The following TTC39A variants were observed in gnomAD, a reference collection of about 807,000 sequenced individuals.
TTC39A encodes the protein tetratricopeptide repeat domain 39A.
TTC39A carries 46 observed loss-of-function variants against 82.3 expected under a neutral mutation model. The observed-to-expected ratio is 0.56, with a 90% confidence interval of 0.44 to 0.71. The LOEUF (loss-of-function observed/expected upper bound fraction) is 0.71, where lower values mean the gene tolerates loss of function less well. Among genes scored for constraint, TTC39A ranks in the 30% least tolerant of loss-of-function variants. The pLI is 0.00. For missense variants in TTC39A, 543 were observed against 712.9 expected, an observed-to-expected ratio of 0.76 and a Z score of 2.71; for synonymous variants, 254 against 275.2, an observed-to-expected ratio of 0.92 and a Z score of 0.76.
chr1:51,288,208 C>G lies in TTC39A; in HGVS notation c.1683G>C (p.Lys561Asn). 1 of 1,614,044 alleles carries G rather than the reference C, an allele frequency of 6.2e-7. No individual in the cohort carries two copies. Among genetic ancestry groups the G allele is most frequent in the Non-Finnish European group, 8.5e-7 (1 of 1,179,902 alleles). Residue 561 changes from lysine (K) to asparagine (N), a missense_variant, in exon 18 of 18, where the codon AAG becomes AAC. By Grantham distance (94) the Lys-to-Asn change is moderately conservative. Transcript: ENST00000680483. This position sits in a 1 kb window ranked among gnomAD's most constrained non-coding sequence, Gnocchi z 4.8. ...FRIQAATLQAKSSLENSSRSM... is the reference protein window; with the variant it reads ...FRIQAATLQANSSLENSSRSM... ...ATCTGCTGCTGTTCTCTAGGGAAGA[C>G]TTGGCTTGGAGTGTGGCTGCCTGGA...
intron 2 of TTC39A, among the ~76,000 whole-genome samples, chr1:51,315,176 C>A (rs763162287): frequency 6.6e-6 from 1 of 152,220 alleles, no homozygotes; most frequent in Non-Finnish European, 1.5e-5. Flanking sequence ...CAGCCCCACC[C>A]GGGCAGCTGG....
At chr1:51,319,145 A>G (rs1645400234) in intron 2 of TTC39A, among the ~76,000 whole-genome samples, 1 of 152,210 alleles carries the variant, frequency 6.6e-6, no homozygotes, top group Non-Finnish European at 1.5e-5. Context: ...TATAGATATA[A>G]AGAAGTTGGT....
At position 51,294,636 on chromosome 1, in the gene TTC39A, G is replaced by A; in HGVS notation, c.1146-125C>T. The stretch of plus-strand genomic sequence containing the variant: ...CAGTTTCCCCATCTGCACAATGACA[G>A]TGTTAGACTCTAAAGAGCCTTCTAG... On this transcript the variant is annotated intron_variant, in intron 13 of 17. Coordinates refer to ENST00000680483, the MANE Select transcript of TTC39A (RefSeq NM_001297663.2). The surrounding 1 kb of genome is among the most constrained non-coding windows in gnomAD (Gnocchi z 4.3). 1.4e-6 allele frequency: 2 copies of A among 1,402,920 alleles called. No individual in the cohort carries two copies. Among genetic ancestry groups the A allele is most frequent in the Non-Finnish European group, 1.9e-6 (2 of 1,034,988 alleles). 86.9% of individuals were successfully genotyped at this position (1,402,920 alleles called of 1,614,324 possible). A position where few individuals can be genotyped will look rare whatever the true frequency, so the allele number is the denominator to read the frequency against.
At chr1:51,301,519 GCA>G in intron 12 of TTC39A, 51 bp downstream of exon 12, 2 of 1,529,928 alleles carry the variant, frequency 1.3e-6, no homozygotes, top group East Asian at 2.4e-5. Context: ...TGGTCTGGAG[GCA>G]CACAGTCAGC....
intron 1 of TTC39A, chr1:51,322,180 C>CA: frequency 6.5e-7 from 1 of 1,527,616 alleles, no homozygotes; most frequent in Non-Finnish European, 8.8e-7. Context: ...GCTGCCCCCC[C>CA]AGGGGGTGCA....
intron 12 of TTC39A, among the ~76,000 whole-genome samples, 158 bp from the exon 13 acceptor site, chr1:51,296,328 G>T (rs905090344): frequency 6.6e-6 from 1 of 152,248 alleles, no homozygotes; most frequent in Non-Finnish European, 1.5e-5. Flanking sequence ...GCAACTTGAA[G>T]ACCTGAATCC....
In TTC39A at chr1:51,290,587, C is replaced by T. The variant is rs1241430457; in HGVS notation, c.1305G>A (p.Gly435=). ...MYIWNGYAVI[G]KQPKLTDGIL... is the part of the protein sequence containing the mutation. Reference sequence around the variant, plus strand: ...TCCCATCCGTGAGTTTCGGCTGCTTCCCAATCACGGCGTAGCCGTTCCAGA... The same window carrying T: ...TCCCATCCGTGAGTTTCGGCTGCTTTCCAATCACGGCGTAGCCGTTCCAGA... The change falls in exon 15 of 18, where the codon GGG becomes GGA. Residue 435 remains glycine (G), a synonymous_variant. Coordinates refer to ENST00000680483, the MANE Select transcript of TTC39A (RefSeq NM_001297663.2). 3.1e-6 allele frequency: 5 copies of T among 1,613,834 alleles called. No individual in the cohort carries two copies. The African/African-American group carries it at 6.7e-5, about 22-fold the overall frequency.
intron 1 of TTC39A, among the ~76,000 whole-genome samples, chr1:51,323,576 T>G (rs1425493696): frequency 1.3e-5 from 2 of 152,238 alleles, no homozygotes; most frequent in South Asian, 2.1e-4. Flanking sequence ...CTTAACTAAC[T>G]TCTATACTAT....
At chr1:51,303,884 T>A in intron 8 of TTC39A, among the ~76,000 whole-genome samples, 1 of 152,214 alleles carries the variant, frequency 6.6e-6, no homozygotes, top group East Asian at 1.9e-4. Context: ...TCATGACCCA[T>A]GCGCTTTCTT....
chr1:51,309,429 C>A (rs745817846), intron 5 of TTC39A, 104 bp from the exon 6 acceptor site: 2 of 1,580,752 alleles, frequency 1.3e-6, no homozygotes, highest in Non-Finnish European at 8.6e-7. Flanking sequence ...GTGTGAGGAA[C>A]CCTGGGGGGA....
chr1:51,300,662 C>A (rs181352764), intron 12 of TTC39A: 70 of 152,366 alleles, frequency 4.6e-4, no homozygotes, highest in African/African-American at 1.3e-3. Flanking sequence ...TACAAGCTAA[C>A]ACTTATTTCA....
intron 5 of TTC39A, among the ~76,000 whole-genome samples, chr1:51,310,615 T>G (rs986008189): frequency 4.6e-5 from 7 of 152,158 alleles, no homozygotes; most frequent in African/African-American, 1.7e-4. Context: ...ATGTTCTCAT[T>G]ATAACCCAGG....
intron 1 of TTC39A, chr1:51,322,384 C>T: frequency 1.0e-6 from 1 of 988,258 alleles, no homozygotes; most frequent in Non-Finnish European, 1.4e-6. Flanking sequence ...TACCTGAGCC[C>T]TTTCCAGTCC....
At position 51,288,707 on chromosome 1, in the gene TTC39A, C is replaced by T. The variant is rs1039017520; in HGVS notation, c.1610+132G>A. 2.6e-6 allele frequency: 2 copies of T among 778,736 alleles called. No homozygotes were observed. Among genetic ancestry groups the T allele is most frequent in the African/African-American group, 3.5e-5 (2 of 57,212 alleles). The allele number at this position is 778,736 out of a possible 1,614,324, so 48.2% of individuals were successfully genotyped here. A position where few individuals can be genotyped will look rare whatever the true frequency, so the allele number is the denominator to read the frequency against. On this transcript the variant is annotated intron_variant, in intron 17 of 17. Transcript: ENST00000680483. The surrounding 1 kb of genome is among the most constrained non-coding windows in gnomAD (Gnocchi z 4.8). ...GAGCTGGATTCCGAGGGACACAGGT[C>T]CACCCTCTAGACTGCCAGACTGGCC... is the stretch of plus-strand genomic sequence containing the variant.
In TTC39A at chr1:51,312,139, G is replaced by C. The variant is rs371247813; in HGVS notation, c.335C>G (p.Thr112Arg). 1 of 1,611,682 alleles carries C rather than the reference G, an allele frequency of 6.2e-7. No homozygotes were observed. Among genetic ancestry groups the C allele is most frequent in the South Asian group, 1.1e-5 (1 of 90,324 alleles). The change falls in exon 4 of 18, where the codon ACG becomes AGG. Residue 112 changes from threonine (T) to arginine (R), a missense_variant. Thr to Arg is a moderately conservative substitution (Grantham distance 71). Coordinates refer to ENST00000680483, the MANE Select transcript of TTC39A (RefSeq NM_001297663.2). Reference protein sequence around the residue: ...DSFSSLVNRPTLGQFTEEEIH... With the variant: ...DSFSSLVNRPRLGQFTEEEIH... Reference sequence around the variant, plus strand: ...CACACCTTCAGTGAATTGGCCCAGCGTGGGGCGGTTCACCAGGCTGCTGAA... The same window carrying C: ...CACACCTTCAGTGAATTGGCCCAGCCTGGGGCGGTTCACCAGGCTGCTGAA...
chr1:51,344,232 T>G (rs1207494708), intron 1 of TTC39A, among the ~76,000 whole-genome samples: 1 of 152,132 alleles, frequency 6.6e-6, no homozygotes, highest in African/African-American at 2.4e-5. Context: ...ATGGAGGTGT[T>G]GGGAGGACAG....
intron 8 of TTC39A, among the ~76,000 whole-genome samples, chr1:51,304,228 C>T (rs965136510): frequency 1.3e-5 from 2 of 152,162 alleles, no homozygotes; most frequent in Non-Finnish European, 2.9e-5. Flanking sequence ...ATGTTCTTAT[C>T]ATGCCAAATA....
intron 11 of TTC39A, 74 bp from the exon 12 acceptor site, chr1:51,301,807 A>C: frequency 1.3e-6 from 2 of 1,552,680 alleles, no homozygotes; most frequent in Admixed American, 1.7e-5. Context: ...GAACCTCCCA[A>C]CACCACAGCA....
upstream of TTC39A, chr1:51,330,937 GCAGA>G (rs534478039): frequency 5.2e-4 from 323 of 623,206 alleles, no homozygotes; most frequent in African/African-American, 5.2e-3. This position sits in a 1 kb window ranked among gnomAD's most constrained non-coding sequence, Gnocchi z 4.5. Context: ...GGGCATTCGT[GCAGA>G]CAAAGACAGC....
Sources: gnomAD v4.1 joint callset for allele counts (sites outside exome capture counted in the v4.1 genomes callset) on GRCh38, gnomAD v4.1.1 for gene constraint, Gnocchi (gnomAD v3.1) non-coding constraint, MANE v1.5 for transcripts, NCBI Gene and HGNC (gene_info 2026-07-23, HGNC 2026-07-21) for gene names.